The following RECQL variants were observed in gnomAD, a reference collection of about 807,000 sequenced individuals.
The protein encoded by RECQL is ATP-dependent DNA helicase Q1.
A neutral mutation model predicts 75.8 loss-of-function variants in RECQL; 73 were observed. The observed-to-expected ratio is 0.96, with a 90% CI of 0.80 to 1.17. The LOEUF is 1.17. Among genes scored for constraint, RECQL ranks in the 50% most tolerant of loss-of-function variants. The pLI is 0.00. For missense variants in RECQL, 699 were observed against 772.1 expected (o/e 0.91, Z 1.12); for synonymous variants, 248 against 254.4 (o/e 0.97, Z 0.24).
Position 21,501,530 on chromosome 12 carries a change from C to T in RECQL, c.-406G>A, listed in dbSNP as rs1235030002. 1 of 232,218 alleles carries T rather than the reference C, an allele frequency of 4.3e-6. No homozygotes were observed. The highest frequency in any genetic ancestry group is 8.7e-6 in the Non-Finnish European group (1 of 114,680). The allele number at this position is 232,218 out of a possible 1,614,324, so 14.4% of individuals were successfully genotyped here. ...TCCGACTGTCCTGTGTCCGACTCTC[C>T]GATCTCCGACTCTCGGATCTCCGAC... On this transcript the variant is annotated 5_prime_UTR_variant, in exon 1 of 15. Coordinates refer to ENST00000444129, the MANE Select transcript of RECQL (RefSeq NM_002907.4).
At chr12:21,481,135 AAGAC>A (rs1218274903) in intron 6 of RECQL, among the ~76,000 whole-genome samples, 20 of 152,326 alleles carry the variant, frequency 1.3e-4, no homozygotes, top group Admixed American at 8.5e-4. Context: ...ATGATTTTTT[AAGAC>A]AGAGAAGACT....
chr12:21,476,917 G>T lies in RECQL; in HGVS notation c.943C>A (p.Gln315Lys), dbSNP rs752664260. The T allele has an allele frequency of 2.6e-5, 41 of 1,602,814 alleles. No individual in the cohort carries two copies. Among genetic ancestry groups the T allele is most frequent in the Non-Finnish European group, 3.4e-5 (40 of 1,174,276 alleles). Residue 315 changes from glutamine (Q) to lysine (K), a missense_variant, in exon 8 of 15, where the codon CAA becomes AAA. By Grantham distance (53) the Gln-to-Lys change is moderately conservative. Transcript: ENST00000444129. ...VKLINGRYKG[Q>K]SGIIYCFSQK... The stretch of plus-strand genomic sequence containing the variant: ...TGGTTTGTTTTTACATTACCTGATT[G>T]CCCTTTGTATCTCCCATTAATGAGC...
At position 21,470,300 on chromosome 12, in the gene RECQL, A is replaced by G; in HGVS notation, c.1844T>C (p.Met615Thr). ...GAAGTTGCCTGAATTTTTTTCCTCC[A>G]TCTTTTTATCACCTTGTTCAGAATG... ...TCHSEQGDKK[M>T]EEKNSGNFQK... The change falls in exon 15 of 15, where the codon ATG becomes ACG. Residue 615 changes from methionine (M) to threonine (T), a missense_variant. Met to Thr is a moderately conservative substitution (Grantham distance 81). Coordinates refer to ENST00000444129, the MANE Select transcript of RECQL (RefSeq NM_002907.4). 6.3e-7 allele frequency: 1 copy of G among 1,590,588 alleles called. No individual in the cohort carries two copies. Among genetic ancestry groups the G allele is most frequent in the Non-Finnish European group, 8.5e-7 (1 of 1,171,234 alleles).
intron 4 of RECQL, 71 bp from the exon 5 acceptor site, chr12:21,486,656 C>CT (rs1565571187): frequency 1.2e-5 from 2 of 161,206 alleles, no homozygotes; most frequent in Non-Finnish European, 9.9e-6. Flanking sequence ...AAACCATTCA[C>CT]GTTTTTTTTT....
Position 21,469,803 on chromosome 12 carries a change from C to T in RECQL, c.*391G>A, listed in dbSNP as rs1434085379. 6.1e-6 allele frequency: 1 copy of T among 162,996 alleles called. No homozygotes were observed. The highest frequency in any genetic ancestry group is 2.4e-5 in the African/African-American group (1 of 41,230). The allele number at this position is 162,996 out of a possible 1,614,324, so 10.1% of individuals were successfully genotyped here. A position where few individuals can be genotyped will look rare whatever the true frequency, so the allele number is the denominator to read the frequency against. Reference sequence around the variant, plus strand: ...CAAAAGATTGGACATCCTTGATCTACATATTTAACTTAAAGTATCACTCAG... The same window carrying T: ...CAAAAGATTGGACATCCTTGATCTATATATTTAACTTAAAGTATCACTCAG... On this transcript the variant is annotated 3_prime_UTR_variant, in exon 15 of 15. Transcript: ENST00000444129.
intron 8 of RECQL, among the ~76,000 whole-genome samples, chr12:21,476,338 C>T (rs1037036937): frequency 3.9e-5 from 6 of 152,030 alleles, no homozygotes; most frequent in Middle Eastern, 3.4e-3. Context: ...TTCATTTGAC[C>T]CTAGAACTCC....
intron 2 of RECQL, among the ~76,000 whole-genome samples, chr12:21,497,959 T>G (rs1037491625): frequency 1.3e-5 from 2 of 152,202 alleles, no homozygotes; most frequent in Non-Finnish European, 2.9e-5. Context: ...GGCAGCACTT[T>G]GTTCTCACTG....
chr12:21,499,872 A>G (rs1943574456), intron 1 of RECQL, among the ~76,000 whole-genome samples: 1 of 152,234 alleles, frequency 6.6e-6, no homozygotes, highest in Non-Finnish European at 1.5e-5. Context: ...CCAAAGTCAC[A>G]TAAACGTATA....
intron 5 of RECQL, among the ~76,000 whole-genome samples, chr12:21,486,102 T>C (rs909711387): frequency 5.3e-5 from 8 of 152,180 alleles, no homozygotes; most frequent in African/African-American, 1.7e-4. Flanking sequence ...TTATGGGCTA[T>C]AAGGTCTCTA....
At position 21,474,937 on chromosome 12, in the gene RECQL, A is replaced by G. The variant is rs1439925482; in HGVS notation, c.1259T>C (p.Phe420Ser). 1 of 1,612,890 alleles carries G rather than the reference A, an allele frequency of 6.2e-7. No homozygotes were observed. The highest frequency in any genetic ancestry group is 8.5e-7 in the Non-Finnish European group (1 of 1,179,184). The change falls in exon 11 of 15, where the codon TTT (phenylalanine) becomes TCT (serine). Residue 420 changes from phenylalanine (F) to serine (S), a missense_variant. This residue lies in a region of RECQL where 669 missense variants were observed against 713.5 expected (regional missense o/e 0.94). Transcript: ENST00000444129. The stretch of plus-strand genomic sequence containing the variant: ...TGAACTTATTCTGAATATATCTCCA[A>G]AGCCGTAGTACAAAATACAGTCTGC... ...MKADCILYYG[F>S]GDIFRISSMV...
intron 2 of RECQL, among the ~76,000 whole-genome samples, chr12:21,496,247 G>A (rs1943506811): frequency 1.3e-5 from 2 of 152,198 alleles, no homozygotes; most frequent in Admixed American, 1.3e-4. Context: ...ATAAGGCTGT[G>A]GCTCCAACAG....
intron 12 of RECQL, 96 bp downstream of exon 12, chr12:21,473,455 C>CA: frequency 1.1e-6 from 1 of 919,256 alleles, no homozygotes; most frequent in Non-Finnish European, 1.7e-6. Context: ...TGCACAATGA[C>CA]AAAATCACCT....
chr12:21,475,378 A>C, intron 10 of RECQL, 90 bp downstream of exon 10: 1 of 814,416 alleles, frequency 1.2e-6, no homozygotes. Context: ...TATCCAATAA[A>C]GATAAAACAT....
intron 6 of RECQL, 123 bp from the exon 7 acceptor site, chr12:21,478,092 G>C (rs766638998): frequency 4.4e-6 from 4 of 919,048 alleles, no homozygotes; most frequent in Non-Finnish European, 6.3e-6. Context: ...ATCTATAGCA[G>C]TAAATTTGCA....
At chr12:21,478,284 A>G (rs1334420793) in intron 6 of RECQL, among the ~76,000 whole-genome samples, 2 of 152,184 alleles carry the variant, frequency 1.3e-5, no homozygotes, top group Non-Finnish European at 2.9e-5. Flanking sequence ...TCAGACCAAA[A>G]AAATCTTGGT....
At chr12:21,472,381 A>G (rs1243193322) in intron 12 of RECQL, among the ~76,000 whole-genome samples, 1 of 152,092 alleles carries the variant, frequency 6.6e-6, no homozygotes, top group Non-Finnish European at 1.5e-5. Context: ...AAGCAAGTTT[A>G]TTAGCAATAG....
chr12:21,494,440 C>T (rs1209361867), intron 2 of RECQL, among the ~76,000 whole-genome samples: 2 of 152,176 alleles, frequency 1.3e-5, no homozygotes, highest in African/African-American at 2.4e-5. Context: ...TTTATTGATA[C>T]GGGCTCACTA....
intron 4 of RECQL, 129 bp downstream of exon 4, chr12:21,490,070 T>C: frequency 2.1e-6 from 1 of 479,488 alleles, no homozygotes. Context: ...TCTATTAATA[T>C]AGAAGAAATC....
Position 21,469,795 on chromosome 12 carries a change from T to C in RECQL, c.*399A>G, listed in dbSNP as rs1942886855. 3 of 160,318 alleles carry C rather than the reference T, an allele frequency of 1.9e-5. No individual in the cohort carries two copies. The highest frequency in any genetic ancestry group is 1.8e-4 in the South Asian group (1 of 5,702). 9.9% of individuals were successfully genotyped at this position (160,318 alleles called of 1,614,324 possible). A position where few individuals can be genotyped will look rare whatever the true frequency, so the allele number is the denominator to read the frequency against. On this transcript the variant is annotated 3_prime_UTR_variant, in exon 15 of 15. Coordinates refer to ENST00000444129, the MANE Select transcript of RECQL (RefSeq NM_002907.4). ...AGGGAAGCCAAAAGATTGGACATCC[T>C]TGATCTACATATTTAACTTAAAGTA...
Sources: allele counts gnomAD v4.1 joint callset (sites outside exome capture counted in the v4.1 genomes callset), GRCh38; gene constraint gnomAD v4.1.1; regional missense constraint gnomAD v4.1.1; transcripts MANE v1.5; gene names NCBI Gene and HGNC (gene_info 2026-07-23, HGNC 2026-07-21).